The following ZMYM2 variants were observed in gnomAD, a reference collection of about 807,000 sequenced individuals.
ZMYM2 encodes zinc finger MYM-type containing 2, also known as zinc finger MYM-type protein 2.
Under a neutral mutation model 162.8 loss-of-function variants are expected in ZMYM2, and 56 were observed. That is an observed-to-expected ratio of 0.34 (90% CI 0.28 to 0.43). The LOEUF (loss-of-function observed/expected upper bound fraction) is 0.43. ZMYM2 is among the 20% of genes least tolerant of loss of function. The probability of loss-of-function intolerance (pLI) is 1.00; values close to 1 mark genes in which losing one functional copy is unlikely to be tolerated. For missense variants in ZMYM2, 1,275 were observed against 1,621.8 expected, an observed-to-expected ratio of 0.79 and a Z score of 3.67; for synonymous variants, 510 against 541.6, an observed-to-expected ratio of 0.94 and a Z score of 0.81.
the ZMYM2 span, chr13:19,863,865 C>T: frequency 6.6e-6 from 1 of 152,294 alleles, no homozygotes; most frequent in Non-Finnish European, 1.5e-5. Flanking sequence ...TGCCAGCCCT[C>T]AACTCCCGGT....
At chr13:19,883,378 A>C in the ZMYM2 span, among the ~76,000 whole-genome samples, 1 of 152,240 alleles carries the variant, frequency 6.6e-6, no homozygotes, top group African/African-American at 2.4e-5. Flanking sequence ...TGTACAACTT[A>C]GAAATGTCTA....
intron 14 of ZMYM2, among the ~76,000 whole-genome samples, chr13:20,057,283 TTTA>T (rs1955870032): frequency 1.3e-5 from 2 of 151,862 alleles, no homozygotes; most frequent in South Asian, 2.1e-4. Flanking sequence ...TTTATTTATT[TTTA>T]TTTTTATTTA....
chr13:20,074,728 C>T (rs1395430646), intron 21 of ZMYM2, among the ~76,000 whole-genome samples: 2 of 151,908 alleles, frequency 1.3e-5, no homozygotes, highest in African/African-American at 4.8e-5. Context: ...TTAGTAGAGA[C>T]GAGGTTTCAC....
At chr13:19,897,072 C>CAAAAA in the ZMYM2 span, among the ~76,000 whole-genome samples, 2 of 111,444 alleles carry the variant, frequency 1.8e-5, no homozygotes, top group Non-Finnish European at 1.9e-5. Flanking sequence ...GACTCTGCCT[C>CAAAAA]AAAAAAAAAA....
At chr13:19,915,577 C>G in the ZMYM2 span, among the ~76,000 whole-genome samples, 1 of 151,844 alleles carries the variant, frequency 6.6e-6, no homozygotes, top group African/African-American at 2.4e-5. Flanking sequence ...AATCTCAGCT[C>G]AAAGCAACAT....
In ZMYM2 at chr13:20,067,251, A is replaced by G; in HGVS notation, c.3314A>G (p.Lys1105Arg). 1.3e-6 allele frequency: 2 copies of G among 1,547,996 alleles called. No homozygotes were observed. The highest frequency in any genetic ancestry group is 1.7e-6 in the Non-Finnish European group (2 of 1,145,242). Reference sequence around the variant, plus strand: ...TATGTATTTTTAGCTAAATCAGTAAAGTTAAAAGAGGATCTACTCTCTCAC... The same window carrying G: ...TATGTATTTTTAGCTAAATCAGTAAGGTTAAAAGAGGATCTACTCTCTCAC... ...LDELKSSKSV[K>R]LKEDLLSHTT... Residue 1105 changes from lysine to arginine, a missense_variant, in exon 21 of 25, where the codon AAG (lysine) becomes AGG (arginine). Around this residue, in one of 10 missense-constraint regions of ZMYM2, gnomAD observed 229 missense variants for 283.8 expected, o/e 0.81. Transcript: ENST00000610343.
chr13:19,990,047 TAGC>T (rs926627575), intron 2 of ZMYM2, among the ~76,000 whole-genome samples: 1 of 152,226 alleles, frequency 6.6e-6, no homozygotes, highest in African/African-American at 2.4e-5. Flanking sequence ...TGTTCCCACA[TAGC>T]AGCCACAGTG....
the ZMYM2 span, among the ~76,000 whole-genome samples, chr13:19,939,289 G>A: frequency 6.6e-6 from 1 of 151,698 alleles, no homozygotes; most frequent in East Asian, 1.9e-4. Context: ...CTCCCAAAGT[G>A]CTGGGATTAC....
chr13:19,923,274 T>G, the ZMYM2 span, among the ~76,000 whole-genome samples: 1 of 136,900 alleles, frequency 7.3e-6, no homozygotes, highest in Non-Finnish European at 1.5e-5. Context: ...GGAGAATCCC[T>G]TGAACCCAGG....
the ZMYM2 span, among the ~76,000 whole-genome samples, chr13:19,878,078 A>G: frequency 1.4e-5 from 2 of 142,502 alleles, no homozygotes; most frequent in African/African-American, 5.2e-5. Flanking sequence ...TTTGAGATGG[A>G]GTCTTGCTCT....
At chr13:19,990,537 G>C (rs1949520615) in intron 2 of ZMYM2, among the ~76,000 whole-genome samples, 1 of 152,060 alleles carries the variant, frequency 6.6e-6, no homozygotes, top group African/African-American at 2.4e-5. Flanking sequence ...CACCAAACTA[G>C]TTATCTCTTC....
intron 7 of ZMYM2, among the ~76,000 whole-genome samples, chr13:20,023,079 A>G (rs9579768): frequency 0.1 from 15,652 of 152,234 alleles, 1,316 homozygotes; most frequent in African/African-American, 0.22. Flanking sequence ...GATACTAAGA[A>G]TGATATAAAA....
intron 12 of ZMYM2, among the ~76,000 whole-genome samples, chr13:20,045,802 G>T (rs918058973): frequency 7.2e-5 from 11 of 152,000 alleles, no homozygotes; most frequent in African/African-American, 2.7e-4. Flanking sequence ...ACAAATATCT[G>T]CCTAATTGTA....
the ZMYM2 span, among the ~76,000 whole-genome samples, chr13:19,915,704 A>G: frequency 2.6e-5 from 4 of 151,552 alleles, no homozygotes; most frequent in African/African-American, 9.7e-5. Flanking sequence ...GAGTTTTGCC[A>G]TGTTGGCCAG....
At chr13:20,027,347 C>T in intron 9 of ZMYM2, 29 bp downstream of exon 9, 1 of 1,468,468 alleles carries the variant, frequency 6.8e-7, no homozygotes, top group South Asian at 1.3e-5. Flanking sequence ...ATAACCCATG[C>T]CCCCAATAAA....
intron 3 of ZMYM2, among the ~76,000 whole-genome samples, chr13:19,994,748 C>A (rs1323889302): frequency 6.6e-6 from 1 of 151,854 alleles, no homozygotes; most frequent in African/African-American, 2.4e-5. Context: ...CTCAGCCTCC[C>A]AAAATGCTGG....
At chr13:19,882,203 T>C in the ZMYM2 span, among the ~76,000 whole-genome samples, 1 of 152,122 alleles carries the variant, frequency 6.6e-6, no homozygotes, top group Non-Finnish European at 1.5e-5. Flanking sequence ...AAAACTTTTG[T>C]GCATCCCAGG....
intron 2 of ZMYM2, among the ~76,000 whole-genome samples, chr13:19,964,037 T>G (rs1955518160): frequency 6.6e-6 from 1 of 152,216 alleles, no homozygotes; most frequent in African/African-American, 2.4e-5. Flanking sequence ...CTGATTTGAT[T>G]AATGTTCTGT....
chr13:19,921,809 A>G, the ZMYM2 span, among the ~76,000 whole-genome samples: 1 of 152,336 alleles, frequency 6.6e-6, no homozygotes, highest in South Asian at 2.1e-4. Flanking sequence ...GGCAAAATTA[A>G]TATAAGTGGA....
Sources: allele counts gnomAD v4.1 joint callset (sites outside exome capture counted in the v4.1 genomes callset), GRCh38; gene constraint gnomAD v4.1.1; regional missense constraint gnomAD v4.1.1; transcripts MANE v1.5; gene names NCBI Gene and HGNC (gene_info 2026-07-23, HGNC 2026-07-21).